RPS6KA6: variants seen among roughly 807,000 people sequenced by gnomAD.
RPS6KA6 encodes ribosomal protein S6 kinase A6.
A neutral mutation model predicts 65.4 loss-of-function variants in RPS6KA6; 27 were observed. That is an observed-to-expected ratio of 0.41 (90% CI 0.30 to 0.57). The LOEUF is 0.57. Ranked by LOEUF, RPS6KA6 falls within the 20% of genes least tolerant of loss-of-function variation. RPS6KA6 has a pLI of 0.24. For missense variants in RPS6KA6, 486 were observed against 555.6 expected, an observed-to-expected ratio of 0.87 and a Z score of 1.26; for synonymous variants, 190 against 184.2, an observed-to-expected ratio of 1.03 and a Z score of -0.26.
rs1040470793 is a variant in RPS6KA6 at position 84,185,257 on chromosome X, T to C, written c.81+2562A>G. On this transcript the variant is annotated intron_variant, in intron 1 of 21. Coordinates refer to ENST00000262752, the MANE Select transcript of RPS6KA6 (RefSeq NM_014496.5). ...CACAATCAGTTTCTTGCTTACCCTATTTCCCCTCTTCTAAGAACTCTCTTC... is the reference window on the plus strand; with the variant it reads ...CACAATCAGTTTCTTGCTTACCCTACTTCCCCTCTTCTAAGAACTCTCTTC... 4.5e-5 allele frequency among the ~76,000 whole-genome samples: 5 copies of C among 111,159 alleles called. No homozygotes were observed. The East Asian group carries it at 1.4e-3, about 32-fold the overall frequency.
chrX:84,110,206 G>A (rs1481322873), intron 12 of RPS6KA6, among the ~76,000 whole-genome samples: 2 of 111,677 alleles, frequency 1.8e-5, no homozygotes, highest in African/African-American at 6.5e-5. Context: ...TCTGAGTCAG[G>A]GGTGTGATAG....
chrX:84,098,526 T>C (rs1273101808), intron 18 of RPS6KA6, among the ~76,000 whole-genome samples: 1 of 111,208 alleles, frequency 9.0e-6, no homozygotes, highest in Non-Finnish European at 1.9e-5. Flanking sequence ...ACGAAGTTAA[T>C]AGAGTTCGTT....
At chrX:84,153,014 C>T (rs1442734288) in intron 3 of RPS6KA6, among the ~76,000 whole-genome samples, 1 of 111,376 alleles carries the variant, frequency 9.0e-6, no homozygotes. Flanking sequence ...TTCTCTCAAT[C>T]ACATGGACGT....
In RPS6KA6 at chrX:84,116,044, A is replaced by C. The variant is rs2034558026; in HGVS notation, c.1008+185T>G. Among the ~76,000 whole-genome samples, 2 of 111,362 alleles carry C rather than the reference A, an allele frequency of 1.8e-5. 1 individual carries two copies. The highest frequency in any genetic ancestry group is 1.9e-4 in the Admixed American group (2 of 10,503). On this transcript the variant is annotated intron_variant, in intron 12 of 21. Coordinates refer to ENST00000262752, the MANE Select transcript of RPS6KA6 (RefSeq NM_014496.5). ...TAGAAATCCAAACCCACCATTATGC[A>C]ATACATCCACGGAAAAAACCCACAA...
chrX:84,151,091 T>C (rs1487423792), intron 3 of RPS6KA6, among the ~76,000 whole-genome samples: 1 of 96,921 alleles, frequency 1.0e-5, no homozygotes, highest in Non-Finnish European at 2.0e-5. Context: ...GATAGATATA[T>C]AGAGGATAGA....
chrX:84,109,249 C>T (rs1317799747), intron 12 of RPS6KA6, among the ~76,000 whole-genome samples: 1 of 112,188 alleles, frequency 8.9e-6, no homozygotes, highest in African/African-American at 3.2e-5. Context: ...AGCAGCCCAG[C>T]GGCCCTGCTC....
intron 20 of RPS6KA6, among the ~76,000 whole-genome samples, chrX:84,068,599 G>C (rs2033457013): frequency 9.0e-6 from 1 of 111,368 alleles, no homozygotes. Flanking sequence ...AAGAAATAAA[G>C]GTATTCAAAT....
intron 8 of RPS6KA6, among the ~76,000 whole-genome samples, chrX:84,121,300 A>G (rs1200411394): frequency 8.9e-6 from 1 of 111,942 alleles, no homozygotes; most frequent in East Asian, 2.8e-4. Flanking sequence ...CCAATTCCAG[A>G]TAATCTAACT....
At chrX:84,064,788 T>C (rs1382095180) in intron 21 of RPS6KA6, among the ~76,000 whole-genome samples, 183 bp downstream of exon 21, 1 of 111,791 alleles carries the variant, frequency 8.9e-6, no homozygotes, top group Non-Finnish European at 1.9e-5. Context: ...ATTTTTATTG[T>C]TTCATCTGAA....
intron 20 of RPS6KA6, among the ~76,000 whole-genome samples, chrX:84,075,784 A>G (rs777472981): frequency 1.8e-5 from 2 of 112,330 alleles, no homozygotes; most frequent in Non-Finnish European, 3.8e-5. Flanking sequence ...TTGTGTGAAC[A>G]TATCTTTCAA....
upstream of RPS6KA6, among the ~76,000 whole-genome samples, chrX:84,188,421 AG>A (rs1318604055): frequency 4.5e-5 from 4 of 88,404 alleles, no homozygotes; most frequent in Non-Finnish European, 9.1e-5. Flanking sequence ...GATAGAGGGG[AG>A]GGGGGCGTGC....
At position 84,187,968 on chromosome X, in the gene RPS6KA6, G is replaced by T. The variant is rs2035950158; in HGVS notation, c.-69C>A. 4 of 903,041 alleles carry T rather than the reference G, an allele frequency of 4.4e-6. No homozygotes were observed. Among genetic ancestry groups the T allele is most frequent in the Non-Finnish European group, 5.9e-6 (4 of 677,431 alleles). The allele number at this position is 903,041 out of a possible 1,213,427, so 74.4% of individuals were successfully genotyped here. ...GGCGCGGCCGCGCATCCTGTCTATT[G>T]AACTGGCCCGCCGCCGCCGCCGCCG... On this transcript the variant is annotated 5_prime_UTR_variant, in exon 1 of 22. Coordinates refer to ENST00000262752, the MANE Select transcript of RPS6KA6 (RefSeq NM_014496.5).
At chrX:84,188,376 G>A (rs1289692350), upstream of RPS6KA6, among the ~76,000 whole-genome samples, 1 of 110,513 alleles carries the variant, frequency 9.0e-6, no homozygotes, top group African/African-American at 3.3e-5. Context: ...ATAGAGGGGC[G>A]GGGTGGATGC....
chrX:84,122,733 GC>G (rs2034702471), intron 8 of RPS6KA6, among the ~76,000 whole-genome samples: 1 of 111,420 alleles, frequency 9.0e-6, no homozygotes, highest in African/African-American at 3.3e-5. Context: ...GGGCCAAAGT[GC>G]TCTGGGGTCC....
intron 20 of RPS6KA6, among the ~76,000 whole-genome samples, chrX:84,082,201 C>G (rs762766019): frequency 3.6e-5 from 4 of 111,802 alleles, no homozygotes; most frequent in Non-Finnish European, 7.5e-5. Flanking sequence ...AAAACCCCAT[C>G]ATCTCAGCCA....
intron 3 of RPS6KA6, among the ~76,000 whole-genome samples, chrX:84,151,746 A>G (rs1053957084): frequency 3.6e-5 from 4 of 111,946 alleles, no homozygotes; most frequent in African/African-American, 1.3e-4. Flanking sequence ...GATTTAATAA[A>G]TGTAATAATT....
At chrX:84,073,623 C>T (rs1394952535) in intron 20 of RPS6KA6, among the ~76,000 whole-genome samples, 1 of 110,870 alleles carries the variant, frequency 9.0e-6, no homozygotes, top group African/African-American at 3.3e-5. Flanking sequence ...TTGCAAAGTA[C>T]ATATCTGAAA....
Position 84,065,045 on chromosome X carries a change from G to T in RPS6KA6, c.2038C>A (p.His680Asn). ...QRYTAEQILK[H>N]SWITHRDQLP... ...TGGTCTCTGTGAGTTATCCATGAGTGCTTTAATATTTGTTCAGCAGTATAC... is the reference window on the plus strand; with the variant it reads ...TGGTCTCTGTGAGTTATCCATGAGTTCTTTAATATTTGTTCAGCAGTATAC... Residue 680 changes from histidine to asparagine, a missense_variant, in exon 21 of 22, where the codon CAC becomes AAC. Coordinates refer to ENST00000262752, the MANE Select transcript of RPS6KA6 (RefSeq NM_014496.5). The T allele has an allele frequency of 8.3e-7, 1 of 1,201,637 alleles. No individual in the cohort carries two copies. The highest frequency in any genetic ancestry group is 1.1e-6 in the Non-Finnish European group (1 of 887,391).
At chrX:84,120,171 TA>T (rs764372088) in intron 8 of RPS6KA6, 144 bp from the exon 9 acceptor site, 6 of 351,564 alleles carry the variant, frequency 1.7e-5, no homozygotes, top group Non-Finnish European at 1.5e-5. Context: ...GTGAGATCAA[TA>T]AGAGAAAGCA....
Sources: gnomAD v4.1 joint callset for allele counts (sites outside exome capture counted in the v4.1 genomes callset) on GRCh38, gnomAD v4.1.1 for gene constraint, MANE v1.5 for transcripts, NCBI Gene and HGNC (gene_info 2026-07-23, HGNC 2026-07-21) for gene names.